Variants in KIF9 observed in about 807,000 individuals in gnomAD.
KIF9 encodes kinesin-like protein KIF9.
Under a neutral mutation model 94.8 loss-of-function variants are expected in KIF9, and 68 were observed. The ratio of observed to expected loss-of-function variants is 0.72; its 90% confidence interval spans 0.59 to 0.88. The LOEUF is 0.88. Ranked by LOEUF, KIF9 falls within the 40% of genes least tolerant of loss-of-function variation. KIF9 has a pLI of 0.00. For synonymous variants in KIF9, 343 were observed against 362.1 expected, an observed-to-expected ratio of 0.95 and a Z score of 0.60; for missense variants, 882 against 982.5, an observed-to-expected ratio of 0.90 and a Z score of 1.37.
chr3:47,263,832 C>G (rs1166911801), intron 9 of KIF9: 1 of 456,658 alleles, frequency 2.2e-6, no homozygotes, highest in Admixed American at 2.3e-5. Flanking sequence ...CTCCTGCTTA[C>G]CATGGTGCAC....
At chr3:47,276,231 C>A (rs1382368019) in intron 2 of KIF9, among the ~76,000 whole-genome samples, 1 of 152,054 alleles carries the variant, frequency 6.6e-6, no homozygotes, top group Non-Finnish European at 1.5e-5. Flanking sequence ...AGGAGCTATA[C>A]CTGGCTACAG....
Position 47,228,583 on chromosome 3 carries a change from G to T in KIF9, c.*69C>A. Reference sequence around the variant, plus strand: ...GAGGGGGCTGCAGCTCTGGGCAGGTGGTTGAGCAGCTCCACTACAGTAGGT... The same window carrying T: ...GAGGGGGCTGCAGCTCTGGGCAGGTTGTTGAGCAGCTCCACTACAGTAGGT... On this transcript the variant is annotated 3_prime_UTR_variant, in exon 21 of 21. Coordinates refer to ENST00000684063, the MANE Select transcript of KIF9 (RefSeq NM_182902.4). The T allele has an allele frequency of 7.8e-7, 1 of 1,276,050 alleles. No homozygotes were observed. Among genetic ancestry groups the T allele is most frequent in the South Asian group, 1.2e-5 (1 of 84,234 alleles). The allele number at this position is 1,276,050 out of a possible 1,614,324, so 79.0% of individuals were successfully genotyped here. A position where few individuals can be genotyped will look rare whatever the true frequency, so the allele number is the denominator to read the frequency against.
chr3:47,243,074 C>T lies in KIF9; in HGVS notation c.1686G>A (p.Pro562=), dbSNP rs145806032. The T allele has an allele frequency of 5.2e-5, 83 of 1,610,812 alleles. No homozygotes were observed. The highest frequency in any genetic ancestry group is 1.9e-4 in the South Asian group (17 of 90,934). Reference sequence around the variant, plus strand: ...ACCTAATTGGGCGTAATTCCTCCTTCGGGGAGTCTGAGGGAAGGGGCTCAA... The same window carrying T: ...ACCTAATTGGGCGTAATTCCTCCTTTGGGGAGTCTGAGGGAAGGGGCTCAA... ...SSIEPLPSDS[P]KEELRPIRPD... The change falls in exon 16 of 21, where the codon CCG becomes CCA. Residue 562 remains proline (P), a synonymous_variant. Transcript: ENST00000684063.
intron 9 of KIF9, among the ~76,000 whole-genome samples, chr3:47,262,716 A>G (rs1701060495): frequency 1.3e-5 from 2 of 152,148 alleles, no homozygotes; most frequent in South Asian, 4.1e-4. Flanking sequence ...TCTCCTTGGA[A>G]GCTGGGACAG....
At chr3:47,244,204 A>C (rs1047682192) in intron 15 of KIF9, 3 of 152,376 alleles carry the variant, frequency 2.0e-5, no homozygotes, top group African/African-American at 7.2e-5. Context: ...CTTGGGTGTG[A>C]GAAGTGCAGA....
chr3:47,241,120 A>T, intron 16 of KIF9, 105 bp from the exon 17 acceptor site: 1 of 975,818 alleles, frequency 1.0e-6, no homozygotes, highest in East Asian at 2.4e-5. Context: ...CAGGAGGCAG[A>T]AGTGCTAGGC....
chr3:47,256,105 C>G (rs910926306), intron 10 of KIF9, among the ~76,000 whole-genome samples: 3 of 152,236 alleles, frequency 2.0e-5, no homozygotes, highest in Admixed American at 6.5e-5. Flanking sequence ...GATCTCGGCT[C>G]GCTACAACTT....
At chr3:47,260,136 G>A (rs1296467136) in intron 9 of KIF9, among the ~76,000 whole-genome samples, 11 of 128,476 alleles carry the variant, frequency 8.6e-5, no homozygotes, top group Admixed American at 3.4e-4. Context: ...TGGGACCTGC[G>A]GGCAGCAATA....
intron 20 of KIF9, among the ~76,000 whole-genome samples, chr3:47,234,446 C>T (rs1250602675): frequency 1.3e-5 from 2 of 152,006 alleles, no homozygotes; most frequent in African/African-American, 4.8e-5. Context: ...GTTGCCCAGG[C>T]TGGTCTCAAA....
intron 20 of KIF9, among the ~76,000 whole-genome samples, chr3:47,234,565 T>C (rs1698871897): frequency 1.4e-5 from 2 of 141,332 alleles, no homozygotes; most frequent in African/African-American, 5.5e-5. Context: ...TTTTTTTTCT[T>C]TTTTTTTGAG....
intron 5 of KIF9, among the ~76,000 whole-genome samples, chr3:47,268,270 G>A (rs1701415735): frequency 1.3e-5 from 2 of 152,200 alleles, no homozygotes; most frequent in African/African-American, 4.8e-5. Flanking sequence ...TTTTTGTAGA[G>A]ACAGGGTGGT....
intron 13 of KIF9, 96 bp downstream of exon 13, chr3:47,246,101 A>T (rs1699906978): frequency 2.1e-6 from 2 of 975,506 alleles, no homozygotes; most frequent in Admixed American, 5.2e-5. Context: ...TTCATCCACA[A>T]GCAAGAAGAG....
At chr3:47,257,835 T>C (rs1490955966) in intron 9 of KIF9, among the ~76,000 whole-genome samples, 1 of 152,206 alleles carries the variant, frequency 6.6e-6, no homozygotes, top group Non-Finnish European at 1.5e-5. Context: ...CATCCAAACC[T>C]GACCACTTTC....
intron 13 of KIF9, 85 bp downstream of exon 13, chr3:47,246,112 G>GT (rs72581963): frequency 4.4e-6 from 4 of 902,026 alleles, no homozygotes; most frequent in Non-Finnish European, 6.4e-6. Flanking sequence ...GCAAGAAGAG[G>GT]AGCTCTTGGA....
At chr3:47,236,257 G>T in intron 18 of KIF9, 108 bp from the exon 19 acceptor site, 2 of 1,020,642 alleles carry the variant, frequency 2.0e-6, no homozygotes, top group East Asian at 2.5e-5. Flanking sequence ...CCTGCTCCAA[G>T]GTCTTACCCT....
chr3:47,236,089 TTCAGTGCCA>T lies in KIF9; in HGVS notation c.2153_2161del (p.Met718_Leu720del). On this transcript the variant is annotated inframe_deletion, in exon 19 of 21. Transcript: ENST00000684063. ...GCCTGGCCGGATGCTGCCGCCTGGC[TTCAGTGCCA>T]TCTGCATGTCCTCAGGGATGACAAA... The T allele has an allele frequency of 6.2e-7, 1 of 1,614,186 alleles. No individual in the cohort carries two copies. Among genetic ancestry groups the T allele is most frequent in the Non-Finnish European group, 8.5e-7 (1 of 1,180,022 alleles).
chr3:47,282,690 C>T lies in KIF9; in HGVS notation c.-201G>A. On this transcript the variant is annotated 5_prime_UTR_variant, in exon 1 of 21. Coordinates refer to ENST00000684063, the MANE Select transcript of KIF9 (RefSeq NM_182902.4). ...GATACGGGTGAGGTCATGGCCGAAT[C>T]GGGAAGACGAGAGATGGGGCCGATT... 7.4e-7 allele frequency: 1 copy of T among 1,344,736 alleles called. No homozygotes were observed. The highest frequency in any genetic ancestry group is 9.6e-7 in the Non-Finnish European group (1 of 1,041,540). The allele number at this position is 1,344,736 out of a possible 1,614,324, so 83.3% of individuals were successfully genotyped here. A position where few individuals can be genotyped will look rare whatever the true frequency, so the allele number is the denominator to read the frequency against.
rs547340109 is a variant in KIF9 at position 47,244,775 on chromosome 3, C to T, written c.1514+16G>A. On this transcript the variant is annotated intron_variant, in intron 15 of 20. Transcript: ENST00000684063. The stretch of plus-strand genomic sequence containing the variant: ...AGGGCCAGCTGCTGAGGAGGCAGAG[C>T]GGCAAGGTCACTCACCTGAGTGGCT... 4.5e-5 allele frequency: 72 copies of T among 1,612,854 alleles called. 1 individual carries two copies. In the East Asian group the frequency reaches 1.2e-3, roughly 26 times the overall value.
At chr3:47,231,404 C>CTTTT (rs34079988) in intron 20 of KIF9, among the ~76,000 whole-genome samples, 5 of 79,810 alleles carry the variant, frequency 6.3e-5, no homozygotes, top group East Asian at 4.1e-4. Context: ...TCAGTATCTA[C>CTTTT]TTTTTTTTTT....
Sources: allele counts gnomAD v4.1 joint callset (sites outside exome capture counted in the v4.1 genomes callset), GRCh38; gene constraint gnomAD v4.1.1; transcripts MANE v1.5; gene names NCBI Gene and HGNC (gene_info 2026-07-23, HGNC 2026-07-21).